FAM120B: variants seen among roughly 807,000 people sequenced by gnomAD.
FAM120B encodes the protein constitutive coactivator of peroxisome proliferator-activated receptor gamma.
A neutral mutation model predicts 96.3 loss-of-function variants in FAM120B; 83 were observed. The observed-to-expected ratio is 0.86, with a 90% CI of 0.72 to 1.03. FAM120B has a LOEUF of 1.03. FAM120B is among the 50% of genes least tolerant of loss of function. The pLI is 0.00. For synonymous variants in FAM120B, 407 were observed against 402.7 expected, an observed-to-expected ratio of 1.01 and a Z score of -0.13; for missense variants, 1,027 against 1,121.2, an observed-to-expected ratio of 0.92 and a Z score of 1.20.
chr6:170,317,118 A>C (rs2115017614), intron 1 of FAM120B, among the ~76,000 whole-genome samples: 1 of 152,324 alleles, frequency 6.6e-6, no homozygotes, highest in Middle Eastern at 3.4e-3. Context: ...ATCTTAGTGA[A>C]AACATTAAAA....
intron 5 of FAM120B, among the ~76,000 whole-genome samples, chr6:170,349,615 T>C (rs1787443434): frequency 6.6e-6 from 1 of 152,260 alleles, no homozygotes. Flanking sequence ...ATTACCATTT[T>C]GAGTAGATTA....
At chr6:170,301,042 G>A (rs1395558127) in intron 1 of FAM120B, among the ~76,000 whole-genome samples, 1 of 152,226 alleles carries the variant, frequency 6.6e-6, no homozygotes, top group East Asian at 1.9e-4. Flanking sequence ...GTGTGCCAGT[G>A]GGGATTCTGT....
intron 9 of FAM120B, among the ~76,000 whole-genome samples, chr6:170,403,644 G>C (rs1778695571): frequency 6.6e-6 from 1 of 152,160 alleles, no homozygotes; most frequent in South Asian, 2.1e-4. Flanking sequence ...GCTCAAGTGA[G>C]AAGGCTTTAA....
intron 8 of FAM120B, among the ~76,000 whole-genome samples, chr6:170,393,008 T>C (rs1380106257): frequency 6.6e-6 from 1 of 152,202 alleles, no homozygotes; most frequent in Non-Finnish European, 1.5e-5. Context: ...CTTACCTGGT[T>C]GGCAGTAGGT....
At chr6:170,354,541 AC>A (rs1787774181) in intron 5 of FAM120B, among the ~76,000 whole-genome samples, 1 of 152,206 alleles carries the variant, frequency 6.6e-6, no homozygotes, top group Admixed American at 6.5e-5. Flanking sequence ...TCCAGAGTCT[AC>A]AAAGAACTTA....
rs1562567148 is a variant in FAM120B, at chr6:170,361,232, A to G, written c.2283+2914A>G. On this transcript the variant is annotated intron_variant, in intron 6 of 10. Coordinates refer to ENST00000476287, the MANE Select transcript of FAM120B (RefSeq NM_032448.3). ...TATATATATATATATATATATATAT[A>G]TATACACGTATATATATATATACGT... 7.9e-5 allele frequency among the ~76,000 whole-genome samples: 10 copies of G among 126,292 alleles called. 1 individual carries two copies. Among genetic ancestry groups the G allele is most frequent in the African/African-American group, 2.9e-4 (10 of 34,270 alleles). 82.9% of individuals were successfully genotyped at this position (126,292 alleles called of 152,430 possible). A position where few individuals can be genotyped will look rare whatever the true frequency, so the allele number is the denominator to read the frequency against.
At chr6:170,299,310 TATCTA>T (rs1458400353) in intron 1 of FAM120B, among the ~76,000 whole-genome samples, 1 of 152,270 alleles carries the variant, frequency 6.6e-6, no homozygotes, top group Non-Finnish European at 1.5e-5. Context: ...AGGAATTTCT[TATCTA>T]AAGTTGTTCA....
chr6:170,307,970 G>A (rs1218427825), intron 1 of FAM120B, among the ~76,000 whole-genome samples: 1 of 152,206 alleles, frequency 6.6e-6, no homozygotes, highest in Non-Finnish European at 1.5e-5. Flanking sequence ...CATCTCCTGA[G>A]TATGTGAGAG....
intron 4 of FAM120B, among the ~76,000 whole-genome samples, chr6:170,339,778 C>CAA (rs35932232): frequency 3.3e-5 from 3 of 90,236 alleles, no homozygotes; most frequent in East Asian, 3.4e-4. Context: ...GACTCCATCT[C>CAA]AAAAAAAAAA....
intron 4 of FAM120B, among the ~76,000 whole-genome samples, chr6:170,340,861 T>A (rs1339072148): frequency 1.3e-5 from 2 of 152,194 alleles, no homozygotes; most frequent in Non-Finnish European, 2.9e-5. Flanking sequence ...CTGTGGAAGC[T>A]TCCTCCTAAA....
At position 170,367,131 on chromosome 6, in the gene FAM120B, T is replaced by C. The variant is rs185566806; in HGVS notation, c.2283+8813T>C. Among the ~76,000 whole-genome samples, 55 of 152,360 alleles carry C rather than the reference T, an allele frequency of 3.6e-4. No individual in the cohort carries two copies. The East Asian group carries it at 6.7e-3, about 19-fold the overall frequency. The stretch of plus-strand genomic sequence containing the variant: ...TAGCTATAAAACTCACCAGTAGAAG[T>C]TGAAAATAAAAATAATTCTATGCCA... On this transcript the variant is annotated intron_variant, in intron 6 of 10. Coordinates refer to ENST00000476287, the MANE Select transcript of FAM120B (RefSeq NM_032448.3).
chr6:170,403,977 G>A (rs1043500514), intron 9 of FAM120B, among the ~76,000 whole-genome samples: 4 of 152,186 alleles, frequency 2.6e-5, no homozygotes, highest in African/African-American at 4.8e-5. Context: ...CCCCAGTCAC[G>A]GCAAGTGAAG....
chr6:170,352,625 C>A (rs953261130), intron 5 of FAM120B, among the ~76,000 whole-genome samples: 2 of 152,188 alleles, frequency 1.3e-5, no homozygotes, highest in Non-Finnish European at 1.5e-5. Flanking sequence ...TTAAGAAATT[C>A]ACTCAAAACC....
intron 6 of FAM120B, among the ~76,000 whole-genome samples, chr6:170,384,257 G>A (rs1763075925): frequency 6.6e-6 from 1 of 152,186 alleles, no homozygotes; most frequent in Admixed American, 6.5e-5. Context: ...TGGCACTGAT[G>A]CCAGCTTCCT....
chr6:170,356,202 T>C (rs9295397), intron 5 of FAM120B, among the ~76,000 whole-genome samples: 18,463 of 152,224 alleles, frequency 0.12, 1,389 homozygotes, highest in African/African-American at 0.2. Context: ...TTTACCTTTT[T>C]TCTATTAATA....
chr6:170,401,248 C>G (rs916557448), intron 9 of FAM120B, among the ~76,000 whole-genome samples: 1 of 152,230 alleles, frequency 6.6e-6, no homozygotes, highest in Non-Finnish European at 1.5e-5. Flanking sequence ...AGTCCAGAGG[C>G]CACCATGGTT....
intron 6 of FAM120B, among the ~76,000 whole-genome samples, chr6:170,377,943 G>A (rs1755585793): frequency 7.6e-6 from 1 of 131,204 alleles, no homozygotes; most frequent in South Asian, 2.8e-4. Flanking sequence ...CATTCTGGAT[G>A]GCAGAGAAAC....
At chr6:170,403,091 C>T (rs9460139) in intron 9 of FAM120B, among the ~76,000 whole-genome samples, 19,577 of 152,174 alleles carry the variant, frequency 0.13, 1,489 homozygotes, top group African/African-American at 0.21. Flanking sequence ...GAAATTAAGC[C>T]GTTCTTGCAA....
At chr6:170,359,410 C>G (rs1340228552) in intron 6 of FAM120B, among the ~76,000 whole-genome samples, 2 of 148,504 alleles carry the variant, frequency 1.3e-5, no homozygotes, top group African/African-American at 4.9e-5. Flanking sequence ...AAAAAAAAAT[C>G]ACCTCACAAC....
Sources: gnomAD v4.1 joint callset for allele counts (sites outside exome capture counted in the v4.1 genomes callset) on GRCh38, gnomAD v4.1.1 for gene constraint, MANE v1.5 for transcripts, NCBI Gene and HGNC (gene_info 2026-07-23, HGNC 2026-07-21) for gene names.